Variants in MYO1D observed in about 807,000 individuals in gnomAD.
MYO1D encodes the protein myosin ID.
A neutral mutation model predicts 122.0 loss-of-function variants in MYO1D; 83 were observed. That is an observed-to-expected ratio of 0.68 (90% CI 0.57 to 0.82). The LOEUF is 0.82. Ranked by LOEUF, MYO1D falls within the 40% of genes least tolerant of loss-of-function variation. The pLI is 0.00. For synonymous variants in MYO1D, 464 were observed against 446.9 expected (o/e 1.04, Z -0.48); for missense variants, 1,157 against 1,269.5 (o/e 0.91, Z 1.35).
intron 15 of MYO1D, among the ~76,000 whole-genome samples, chr17:32,715,144 G>C (rs2150988327): frequency 6.6e-6 from 1 of 152,256 alleles, no homozygotes; most frequent in Non-Finnish European, 1.5e-5. Flanking sequence ...ATGGCAATTA[G>C]TAAAAAGTCA....
chr17:32,764,320 T>C (rs1426179192), intron 8 of MYO1D, among the ~76,000 whole-genome samples: 1 of 152,120 alleles, frequency 6.6e-6, no homozygotes, highest in Non-Finnish European at 1.5e-5. Flanking sequence ...AAAGTTTCAG[T>C]TAGACAGGAA....
chr17:32,745,594 A>C lies in MYO1D; in HGVS notation c.1539-309T>G, dbSNP rs138323447. ...TTCCTAAGATAAAAGCAAAACAGCA[A>C]CATACAGGAACTAACAGTCTCATCC... On this transcript the variant is annotated intron_variant, in intron 12 of 21. Coordinates refer to ENST00000318217, the MANE Select transcript of MYO1D (RefSeq NM_015194.3). 2.1e-3 allele frequency: 522 copies of C among 250,470 alleles called. 2 individuals are homozygous for C. Among genetic ancestry groups the C allele is most frequent in the Middle Eastern group, 6.7e-3 (5 of 750 alleles). The allele number at this position is 250,470 out of a possible 1,614,324, so 15.5% of individuals were successfully genotyped here.
chr17:32,768,394 T>C (rs1029908855), intron 6 of MYO1D, among the ~76,000 whole-genome samples: 7 of 152,228 alleles, frequency 4.6e-5, no homozygotes, highest in Non-Finnish European at 8.8e-5. Flanking sequence ...TTTAGAGCTG[T>C]GGCCATCACA....
intron 16 of MYO1D, among the ~76,000 whole-genome samples, chr17:32,670,665 A>G (rs950609740): frequency 3.9e-5 from 6 of 151,998 alleles, no homozygotes; most frequent in Admixed American, 2.0e-4. Flanking sequence ...TTTTACATAT[A>G]CCCTTCCCTG....
chr17:32,642,863 T>C lies in MYO1D; in HGVS notation c.2596-4028A>G, dbSNP rs578187290. Among the ~76,000 whole-genome samples, 73 of 152,342 alleles carry C rather than the reference T, an allele frequency of 4.8e-4. 1 individual carries two copies. The East Asian group carries it at 0.013, about 27-fold the overall frequency. ...GTTTTCTAGATATACAATCATGTCATCTGCAAACAGGGACAATTTGACTTC... is the reference window on the plus strand; with the variant it reads ...GTTTTCTAGATATACAATCATGTCACCTGCAAACAGGGACAATTTGACTTC... On this transcript the variant is annotated intron_variant, in intron 19 of 21. Transcript: ENST00000318217.
chr17:32,670,359 A>G (rs1329102371), intron 16 of MYO1D, among the ~76,000 whole-genome samples: 5 of 152,158 alleles, frequency 3.3e-5, no homozygotes, highest in Admixed American at 3.3e-4. Context: ...TGTGCAAATT[A>G]CTCTCAAATA....
intron 1 of MYO1D, among the ~76,000 whole-genome samples, chr17:32,846,822 A>G: frequency 6.6e-6 from 1 of 152,068 alleles, no homozygotes; most frequent in East Asian, 1.9e-4. Flanking sequence ...ATTTTTTTAA[A>G]CAAAAAATTT....
intron 21 of MYO1D, among the ~76,000 whole-genome samples, chr17:32,571,855 T>A (rs2087232155): frequency 6.6e-6 from 1 of 152,128 alleles, no homozygotes; most frequent in South Asian, 2.1e-4. Flanking sequence ...AAAGCAACAG[T>A]CCCTTAACCC....
At chr17:32,660,738 C>T (rs1214640030) in intron 16 of MYO1D, among the ~76,000 whole-genome samples, 1 of 152,186 alleles carries the variant, frequency 6.6e-6, no homozygotes, top group African/African-American at 2.4e-5. Context: ...TCTCATGTGG[C>T]GTCAGTACAG....
At chr17:32,713,229 G>A (rs183103618) in intron 15 of MYO1D, among the ~76,000 whole-genome samples, 8 of 152,188 alleles carry the variant, frequency 5.3e-5, no homozygotes, top group Admixed American at 3.3e-4. Context: ...TTGGTATATG[G>A]TGTGAGGTAT....
intron 16 of MYO1D, among the ~76,000 whole-genome samples, chr17:32,709,421 G>A (rs2089348133): frequency 6.6e-6 from 1 of 152,078 alleles, no homozygotes; most frequent in African/African-American, 2.4e-5. Flanking sequence ...CAAGCCTACA[G>A]GTAAGTACTT....
At chr17:32,765,408 C>T (rs564083606) in intron 7 of MYO1D, among the ~76,000 whole-genome samples, 2 of 152,036 alleles carry the variant, frequency 1.3e-5, no homozygotes, top group Admixed American at 6.6e-5. Flanking sequence ...GCATTTGATG[C>T]TTTCCTCTAA....
chr17:32,538,759 T>C (rs1910741309), intron 21 of MYO1D, among the ~76,000 whole-genome samples: 1 of 152,138 alleles, frequency 6.6e-6, no homozygotes, highest in African/African-American at 2.4e-5. Flanking sequence ...TGGAATACTA[T>C]GCAGCCGTAA....
At chr17:32,607,637 T>G (rs11868639) in intron 20 of MYO1D, among the ~76,000 whole-genome samples, 46,657 of 152,030 alleles carry the variant, frequency 0.31, 7,351 homozygotes, top group South Asian at 0.36. Context: ...CCCAGCAAGA[T>G]TTTTTGTAGG....
chr17:32,779,941 A>G lies in MYO1D; in HGVS notation c.304+635T>C, dbSNP rs571664405. The stretch of plus-strand genomic sequence containing the variant: ...ATTAGCACCTGAAGAAATTCCCACA[A>G]TTTGGGAGAGGCCATCCTGGGTCAG... On this transcript the variant is annotated intron_variant, in intron 2 of 21. Transcript: ENST00000318217. 2.6e-5 allele frequency among the ~76,000 whole-genome samples: 4 copies of G among 152,304 alleles called. No homozygotes were observed. In the East Asian group the frequency reaches 7.7e-4, roughly 29 times the overall value.
intron 21 of MYO1D, among the ~76,000 whole-genome samples, chr17:32,595,560 T>G (rs1022367156): frequency 6.6e-6 from 1 of 152,102 alleles, no homozygotes; most frequent in Non-Finnish European, 1.5e-5. Context: ...AAGGATTGAG[T>G]TACCATCTTC....
chr17:32,654,555 A>G lies in MYO1D; in HGVS notation c.2412T>C (p.Val804=), dbSNP rs2088447893. 1.2e-6 allele frequency: 2 copies of G among 1,614,022 alleles called. No individual in the cohort carries two copies. Among genetic ancestry groups the G allele is most frequent in the Non-Finnish European group, 1.7e-6 (2 of 1,180,016 alleles). Residue 804 remains valine, a synonymous_variant, in exon 18 of 22, where the codon GTT becomes GTC. Transcript: ENST00000318217. ...ASDLPQVRAK[V]AAVEMLKGQR... is the part of the protein sequence containing the mutation. ...GACCCTTCAACATTTCCACGGCTGC[A>G]ACCTTTGCCCTGACCTGGGGCAGGT...
At chr17:32,618,759 C>G (rs372333691) in intron 20 of MYO1D, among the ~76,000 whole-genome samples, 1 of 151,916 alleles carries the variant, frequency 6.6e-6, no homozygotes, top group Admixed American at 6.6e-5. Context: ...CTCAGCCTCC[C>G]GAGTAGCTGG....
chr17:32,756,293 A>G (rs7221920), intron 10 of MYO1D: 6,042 of 226,726 alleles, frequency 0.027, 359 homozygotes, highest in African/African-American at 0.12. Flanking sequence ...AGTGTTTGGC[A>G]GAGTTGCCTT....
Sources: allele counts gnomAD v4.1 joint callset (sites outside exome capture counted in the v4.1 genomes callset), GRCh38; gene constraint gnomAD v4.1.1; transcripts MANE v1.5; gene names NCBI Gene and HGNC (gene_info 2026-07-23, HGNC 2026-07-21).